TAF3: variants seen among roughly 807,000 people sequenced by gnomAD.
The protein encoded by TAF3 is TATA-box binding protein associated factor 3.
A neutral mutation model predicts 80.6 loss-of-function variants in TAF3; 7 were observed. The ratio of observed to expected loss-of-function variants is 0.09; its 90% confidence interval spans 0.05 to 0.16. TAF3 has a LOEUF of 0.16. Ranked by LOEUF, TAF3 falls within the 10% of genes least tolerant of loss-of-function variation. The pLI, the probability that TAF3 is intolerant of heterozygous loss-of-function variation, is 1.00. For missense variants in TAF3, 921 were observed against 1,140.2 expected, an observed-to-expected ratio of 0.81 and a Z score of 2.77; for synonymous variants, 444 against 446.1, an observed-to-expected ratio of 1.00 and a Z score of 0.06.
chr10:7,988,752 GA>G (rs56395044), intron 4 of TAF3, among the ~76,000 whole-genome samples: 38 of 92,842 alleles, frequency 4.1e-4, no homozygotes, highest in South Asian at 3.0e-3. Context: ...CTGTCTCTCA[GA>G]AAAAAAAAAA....
intron 2 of TAF3, among the ~76,000 whole-genome samples, chr10:7,955,073 T>C (rs949868843): frequency 5.3e-5 from 8 of 152,262 alleles, no homozygotes; most frequent in Non-Finnish European, 7.3e-5. Context: ...CATATGTGAA[T>C]GAATGAATTT....
At chr10:7,876,913 A>G (rs1312986758) in intron 2 of TAF3, among the ~76,000 whole-genome samples, 3 of 152,124 alleles carry the variant, frequency 2.0e-5, no homozygotes, top group Non-Finnish European at 2.9e-5. Flanking sequence ...TATCACTTGT[A>G]CTTTGATTTG....
At chr10:7,957,490 G>T (rs1343075594) in intron 2 of TAF3, among the ~76,000 whole-genome samples, 1 of 152,132 alleles carries the variant, frequency 6.6e-6, no homozygotes, top group Admixed American at 6.5e-5. Flanking sequence ...TTAGCAGTTT[G>T]AATACTTACC....
intron 1 of TAF3, among the ~76,000 whole-genome samples, chr10:7,823,319 T>C (rs78100565): frequency 0.029 from 4,335 of 150,852 alleles, 90 homozygotes; most frequent in South Asian, 0.088. Context: ...CACAGCACAC[T>C]ACTTATTTGA....
chr10:7,977,906 C>T (rs572813448), intron 4 of TAF3, among the ~76,000 whole-genome samples: 1 of 152,298 alleles, frequency 6.6e-6, no homozygotes. Context: ...ATGGAATCAT[C>T]ATATCAACCC....
chr10:7,912,900 G>T (rs1275961331), intron 2 of TAF3, among the ~76,000 whole-genome samples: 2 of 152,070 alleles, frequency 1.3e-5, no homozygotes, highest in Non-Finnish European at 2.9e-5. Context: ...TTTTTTGTCG[G>T]TGTCTGCTCG....
intron 4 of TAF3, among the ~76,000 whole-genome samples, chr10:7,984,293 A>T (rs1473148440): frequency 6.6e-6 from 1 of 152,250 alleles, no homozygotes; most frequent in East Asian, 1.9e-4. Context: ...TACTAGAAAA[A>T]AATAGTAAAC....
intron 2 of TAF3, among the ~76,000 whole-genome samples, chr10:7,879,874 T>G (rs543621180): frequency 6.3e-4 from 96 of 152,280 alleles, no homozygotes; most frequent in African/African-American, 2.1e-3. Context: ...TCCAAGTATG[T>G]ATTTTATTTC....
chr10:7,891,398 T>A (rs1286873050), intron 2 of TAF3, among the ~76,000 whole-genome samples: 8 of 152,330 alleles, frequency 5.3e-5, no homozygotes, highest in South Asian at 2.1e-4. Flanking sequence ...ATATCATTTT[T>A]AAAAAACTTA....
intron 2 of TAF3, among the ~76,000 whole-genome samples, chr10:7,842,988 G>A (rs1564345543): frequency 6.6e-6 from 1 of 152,146 alleles, no homozygotes; most frequent in Non-Finnish European, 1.5e-5. Context: ...TTTCTAATCT[G>A]GGAATTCTGA....
intron 4 of TAF3, among the ~76,000 whole-genome samples, chr10:7,989,282 A>G (rs1588578537): frequency 2.0e-5 from 3 of 152,316 alleles, no homozygotes; most frequent in African/African-American, 2.4e-5. Context: ...CTCAGGCCAC[A>G]TGGACAGAAA....
At chr10:7,883,815 T>C (rs974429826) in intron 2 of TAF3, among the ~76,000 whole-genome samples, 2 of 152,226 alleles carry the variant, frequency 1.3e-5, no homozygotes, top group African/African-American at 4.8e-5. Flanking sequence ...CTGGGTAATT[T>C]ATAAAGAAAG....
intron 5 of TAF3, among the ~76,000 whole-genome samples, chr10:8,011,551 C>T (rs1455154302): frequency 1.3e-5 from 2 of 152,176 alleles, no homozygotes; most frequent in East Asian, 1.9e-4. Context: ...GCTGGGATTA[C>T]AGGCATGAGC....
chr10:7,940,206 G>A (rs116322044), intron 2 of TAF3, among the ~76,000 whole-genome samples: 1,690 of 152,284 alleles, frequency 0.011, 31 homozygotes, highest in African/African-American at 0.038. Flanking sequence ...TTTCAACCAC[G>A]CTGTTAGGTC....
At chr10:7,982,531 T>C (rs946382861) in intron 4 of TAF3, among the ~76,000 whole-genome samples, 4 of 152,126 alleles carry the variant, frequency 2.6e-5, no homozygotes, top group African/African-American at 9.7e-5. Context: ...CCCAGGTAGC[T>C]AGGATTTCAG....
chr10:7,860,003 G>A (rs2131134404), intron 2 of TAF3, among the ~76,000 whole-genome samples: 1 of 152,304 alleles, frequency 6.6e-6, no homozygotes, highest in South Asian at 2.1e-4. Context: ...AGGAGTGGTG[G>A]CTCATGCCTG....
intron 2 of TAF3, among the ~76,000 whole-genome samples, chr10:7,867,495 G>T (rs72782723): frequency 0.038 from 5,827 of 152,198 alleles, 149 homozygotes; most frequent in Middle Eastern, 0.11. Context: ...TAGCCCATTT[G>T]TGTTTGTTTT....
intron 2 of TAF3, among the ~76,000 whole-genome samples, chr10:7,887,289 C>T (rs1184578926): frequency 1.3e-5 from 2 of 151,142 alleles, no homozygotes; most frequent in African/African-American, 2.4e-5. Context: ...AAAACTGAAT[C>T]TAAAGCAGTT....
At chr10:7,864,358 C>T (rs1487742454) in intron 2 of TAF3, among the ~76,000 whole-genome samples, 2 of 152,122 alleles carry the variant, frequency 1.3e-5, no homozygotes, top group African/African-American at 4.8e-5. Context: ...TACAACATGG[C>T]ATTTTGAAGT....
Sources: allele counts gnomAD v4.1 joint callset (sites outside exome capture counted in the v4.1 genomes callset), GRCh38; gene constraint gnomAD v4.1.1; transcripts MANE v1.5; gene names NCBI Gene and HGNC (gene_info 2026-07-23, HGNC 2026-07-21).